Variants in MERTK observed in about 807,000 individuals in gnomAD.
The protein encoded by MERTK is tyrosine-protein kinase Mer.
MERTK carries 69 observed loss-of-function variants against 99.3 expected under a neutral mutation model. The ratio of observed to expected loss-of-function variants is 0.70; its 90% CI spans 0.57 to 0.85. The LOEUF (loss-of-function observed/expected upper bound fraction) is 0.85, where lower values mean the gene tolerates loss of function less well. MERTK is among the 40% of genes least tolerant of loss of function. The probability of loss-of-function intolerance (pLI) is 0.00; values close to 1 mark genes in which losing one functional copy is unlikely to be tolerated. For synonymous variants in MERTK, 426 were observed against 467.6 expected (o/e 0.91, Z 1.15); for missense variants, 1,125 against 1,249.4 (o/e 0.90, Z 1.50).
At chr2:112,026,988 A>C (rs1413947728) in intron 18 of MERTK, among the ~76,000 whole-genome samples, 1 of 152,160 alleles carries the variant, frequency 6.6e-6, no homozygotes, top group African/African-American at 2.4e-5. Context: ...AAAACAGAAA[A>C]GCATCAAAAT....
chr2:111,926,035 G>A (rs1684561467), intron 1 of MERTK, among the ~76,000 whole-genome samples: 1 of 151,682 alleles, frequency 6.6e-6, no homozygotes, highest in East Asian at 2.0e-4. Context: ...GTTTCACCGT[G>A]TTAGCCAGGA....
intron 2 of MERTK, 110 bp from the exon 3 acceptor site, chr2:111,944,850 A>C: frequency 1.1e-6 from 1 of 924,940 alleles, no homozygotes; most frequent in Non-Finnish European, 1.7e-6. Flanking sequence ...AAGCTGACAT[A>C]TAAAATTAAC....
At chr2:112,021,086 G>T (rs1677336166) in intron 16 of MERTK, among the ~76,000 whole-genome samples, 1 of 151,464 alleles carries the variant, frequency 6.6e-6, no homozygotes, top group African/African-American at 2.4e-5. Flanking sequence ...TGTAATCCCA[G>T]CTACTCGGGA....
intron 10 of MERTK, among the ~76,000 whole-genome samples, chr2:111,998,978 T>A (rs1676811318): frequency 6.6e-6 from 1 of 152,206 alleles, no homozygotes. Context: ...GAAAATACTT[T>A]TATTTTTACT....
chr2:112,024,288 G>A (rs1175569942), intron 18 of MERTK, among the ~76,000 whole-genome samples: 4 of 152,206 alleles, frequency 2.6e-5, no homozygotes, highest in African/African-American at 4.8e-5. Context: ...TGATATTTGC[G>A]GTGATTATGT....
chr2:111,986,329 C>G (rs1039713806), intron 8 of MERTK, among the ~76,000 whole-genome samples: 1 of 152,210 alleles, frequency 6.6e-6, no homozygotes, highest in Non-Finnish European at 1.5e-5. Flanking sequence ...TCAAATGCCT[C>G]TTTGAGAGAA....
intron 6 of MERTK, among the ~76,000 whole-genome samples, chr2:111,974,789 A>AAAAAG (rs1676207179): frequency 1.4e-5 from 2 of 140,920 alleles, no homozygotes; most frequent in Non-Finnish European, 3.2e-5. Flanking sequence ...AAAAAAAAAA[A>AAAAAG]AAAGAAAGAA....
At chr2:111,919,306 C>G (rs1016998504) in intron 1 of MERTK, among the ~76,000 whole-genome samples, 2 of 151,994 alleles carry the variant, frequency 1.3e-5, no homozygotes, top group African/African-American at 4.8e-5. Flanking sequence ...GAATCTATTC[C>G]CTAAAGTAGG....
chr2:112,020,245 G>A (rs543825288), intron 16 of MERTK, among the ~76,000 whole-genome samples: 1 of 152,276 alleles, frequency 6.6e-6, no homozygotes, highest in South Asian at 2.1e-4. Flanking sequence ...CACTAAAGGG[G>A]TTTTGGTTTT....
At chr2:112,006,185 A>AG (rs1371294481) in intron 13 of MERTK, among the ~76,000 whole-genome samples, 1 of 152,124 alleles carries the variant, frequency 6.6e-6, no homozygotes, top group Non-Finnish European at 1.5e-5. Flanking sequence ...CCTGGCCTGG[A>AG]GGCTGAAGCT....
chr2:112,029,364 G>T lies in MERTK; in HGVS notation c.*500G>T. On this transcript the variant is annotated 3_prime_UTR_variant, in exon 19 of 19. Transcript: ENST00000295408. ...TGGCTTCCTAATAAAATATGAATAA[G>T]GAAGGATATGTTGAACTTACTTGAG... 2 of 937,276 alleles carry T rather than the reference G, an allele frequency of 2.1e-6. No homozygotes were observed. Among genetic ancestry groups the T allele is most frequent in the South Asian group, 4.9e-5 (1 of 20,434 alleles). 58.1% of individuals were successfully genotyped at this position (937,276 alleles called of 1,614,324 possible).
intron 1 of MERTK, among the ~76,000 whole-genome samples, chr2:111,912,170 T>C (rs577542786): frequency 7.7e-4 from 64 of 83,570 alleles, no homozygotes; most frequent in African/African-American, 2.4e-3. Context: ...GCCCAGCTAA[T>C]TTTTTTTTTT....
At position 112,029,098 on chromosome 2, in the gene MERTK, AT is replaced by A; in HGVS notation, c.*236del. On this transcript the variant is annotated 3_prime_UTR_variant, in exon 19 of 19. Coordinates refer to ENST00000295408, the MANE Select transcript of MERTK (RefSeq NM_006343.3). ...AAAGACAAGGATATTTTAATAAAAC[AT>A]TACTTATTTCATTTCACTTATCTTG... The A allele has an allele frequency of 8.2e-7, 1 of 1,224,614 alleles. No homozygotes were observed. The highest frequency in any genetic ancestry group is 1.0e-6 in the Non-Finnish European group (1 of 974,578). 75.9% of individuals were successfully genotyped at this position (1,224,614 alleles called of 1,614,324 possible).
rs148346352 is a variant in MERTK at position 112,020,645 on chromosome 2, C to T, written c.2190-777C>T. Reference sequence around the variant, plus strand: ...TTAGCAAGAAGCCCAGCATCTTGCTCTTACTGCAGGTAATTCCCCATCTTC... The same window carrying T: ...TTAGCAAGAAGCCCAGCATCTTGCTTTTACTGCAGGTAATTCCCCATCTTC... On this transcript the variant is annotated intron_variant, in intron 16 of 18. Coordinates refer to ENST00000295408, the MANE Select transcript of MERTK (RefSeq NM_006343.3). The T allele has an allele frequency of 6.9e-4, 326 of 471,108 alleles. 1 individual carries two copies. The highest frequency in any genetic ancestry group is 1.5e-3 in the Admixed American group (63 of 42,580). 29.2% of individuals were successfully genotyped at this position (471,108 alleles called of 1,614,324 possible). A position where few individuals can be genotyped will look rare whatever the true frequency, so the allele number is the denominator to read the frequency against.
intron 16 of MERTK, chr2:112,020,792 T>C (rs1677325862): frequency 6.3e-5 from 26 of 413,020 alleles, no homozygotes; most frequent in South Asian, 3.2e-4. Flanking sequence ...GCTGCTGCTC[T>C]TTCTGCTCCT....
intron 5 of MERTK, among the ~76,000 whole-genome samples, chr2:111,965,968 A>G (rs754587221): frequency 8.5e-5 from 13 of 152,182 alleles, no homozygotes; most frequent in Non-Finnish European, 1.6e-4. Context: ...TTTCAATCCA[A>G]TCTACCTTAT....
chr2:111,939,259 T>C (rs576782885), intron 2 of MERTK, among the ~76,000 whole-genome samples: 24 of 151,966 alleles, frequency 1.6e-4, no homozygotes, highest in African/African-American at 5.8e-4. Flanking sequence ...CTAGCTTAGG[T>C]CTCTCTTCCT....
At chr2:111,951,521 C>CTATATATATATATATA (rs1280162964) in intron 4 of MERTK, among the ~76,000 whole-genome samples, 6 of 21,504 alleles carry the variant, frequency 2.8e-4, no homozygotes, top group African/African-American at 5.1e-4. Context: ...AATAATATTC[C>CTATATATATATATATA]CATATATATA....
Position 111,970,314 on chromosome 2 carries a change from G to A in MERTK, c.960+2062G>A, listed in dbSNP as rs138564475. Reference sequence around the variant, plus strand: ...TGGGACTACAGGCGGGTGCCACCACGCCCACCTAATTTTTGTATATTTACT... The same window carrying A: ...TGGGACTACAGGCGGGTGCCACCACACCCACCTAATTTTTGTATATTTACT... On this transcript the variant is annotated intron_variant, in intron 6 of 18. Transcript: ENST00000295408. Among the ~76,000 whole-genome samples the A allele has an allele frequency of 1.3e-4, 20 of 151,630 alleles. No individual in the cohort carries two copies. The South Asian group carries it at 2.5e-3, about 19-fold the overall frequency.
Sources: allele counts gnomAD v4.1 joint callset (sites outside exome capture counted in the v4.1 genomes callset), GRCh38; gene constraint gnomAD v4.1.1; transcripts MANE v1.5; gene names NCBI Gene and HGNC (gene_info 2026-07-23, HGNC 2026-07-21).